The following TMEM131 variants were observed in gnomAD, a reference collection of about 807,000 sequenced individuals.
The protein encoded by TMEM131 is transmembrane protein 131.
A neutral mutation model predicts 211.6 loss-of-function variants in TMEM131; 66 were observed. The ratio of observed to expected loss-of-function variants is 0.31; its 90% CI spans 0.26 to 0.38. The LOEUF (loss-of-function observed/expected upper bound fraction) is 0.38. Ranked by LOEUF, TMEM131 falls within the 10% of genes least tolerant of loss-of-function variation. TMEM131 has a pLI of 1.00. For synonymous variants in TMEM131, 844 were observed against 841.3 expected (o/e 1.00, Z -0.06); for missense variants, 2,036 against 2,299.3 (o/e 0.89, Z 2.34).
In TMEM131 at chr2:97,827,210, C is replaced by A. The variant is rs556451430; in HGVS notation, c.1074+6155G>T. The A allele has an allele frequency of 2.3e-4, 164 of 717,772 alleles. 6 individuals carry two copies. In the South Asian group the frequency reaches 2.4e-3, roughly 11 times the overall value. 44.5% of individuals were successfully genotyped at this position (717,772 alleles called of 1,614,324 possible). A position where few individuals can be genotyped will look rare whatever the true frequency, so the allele number is the denominator to read the frequency against. On this transcript the variant is annotated intron_variant, in intron 11 of 40. Transcript: ENST00000186436. Reference sequence around the variant, plus strand: ...CGTGAAGGCTCTTGGCGCGCCGCGGCCCGCAGGCACCTGGCACGCGCCTTC... The same window carrying A: ...CGTGAAGGCTCTTGGCGCGCCGCGGACCGCAGGCACCTGGCACGCGCCTTC...
chr2:97,886,631 G>A (rs1325347332), intron 4 of TMEM131, among the ~76,000 whole-genome samples: 9 of 152,190 alleles, frequency 5.9e-5, no homozygotes, highest in African/African-American at 2.2e-4. Context: ...GGCTCACAAG[G>A]CTGTTTCTCA....
chr2:97,976,960 C>CCAAAA (rs1553623053), intron 1 of TMEM131, among the ~76,000 whole-genome samples: 1 of 112,188 alleles, frequency 8.9e-6, no homozygotes, highest in African/African-American at 3.4e-5. Flanking sequence ...TATTTATATG[C>CCAAAA]AAAAAAAAAA....
At chr2:97,800,335 T>G (rs1264578479) in intron 25 of TMEM131, among the ~76,000 whole-genome samples, 1 of 152,204 alleles carries the variant, frequency 6.6e-6, no homozygotes, top group East Asian at 1.9e-4. Context: ...TTACTTATTT[T>G]CCTATCTCTC....
intron 31 of TMEM131, among the ~76,000 whole-genome samples, chr2:97,784,969 AG>A (rs1173978134): frequency 2.0e-5 from 3 of 152,112 alleles, no homozygotes; most frequent in Non-Finnish European, 4.4e-5. Context: ...CATGATGGTA[AG>A]GGAATACTAT....
At chr2:97,766,900 AAG>A (rs1417928768) in intron 33 of TMEM131, among the ~76,000 whole-genome samples, 1 of 152,190 alleles carries the variant, frequency 6.6e-6, no homozygotes, top group African/African-American at 2.4e-5. Flanking sequence ...TATCTCAGAT[AAG>A]GCATAGAAAG....
At chr2:97,831,263 A>C (rs1682671332) in intron 11 of TMEM131, among the ~76,000 whole-genome samples, 1 of 152,174 alleles carries the variant, frequency 6.6e-6, no homozygotes, top group African/African-American at 2.4e-5. Flanking sequence ...TCCTGTAATA[A>C]TTTCCCATTA....
chr2:97,786,218 G>C (rs138040039), intron 31 of TMEM131, among the ~76,000 whole-genome samples: 1 of 152,230 alleles, frequency 6.6e-6, no homozygotes, highest in African/African-American at 2.4e-5. Context: ...ATTTGCACGT[G>C]AATCTACAAG....
chr2:97,880,772 C>T (rs747231742), intron 4 of TMEM131, among the ~76,000 whole-genome samples: 7 of 152,100 alleles, frequency 4.6e-5, no homozygotes, highest in Non-Finnish European at 7.4e-5. Flanking sequence ...AGTAAGAAAG[C>T]GCAGAGTTGG....
At position 97,785,135 on chromosome 2, in the gene TMEM131, C is replaced by T. The variant is rs59434164; in HGVS notation, c.4144+7251G>A. Among the ~76,000 whole-genome samples, 299 of 152,168 alleles carry T rather than the reference C, an allele frequency of 2.0e-3. 2 individuals carry two copies. Among genetic ancestry groups the T allele is most frequent in the African/African-American group, 6.9e-3 (287 of 41,530 alleles). On this transcript the variant is annotated intron_variant, in intron 31 of 40. Transcript: ENST00000186436. ...TGACTTAAAAATTAACATCTTCCCC[C>T]CACTTTAAGTCAAAGTGAACTCCAA...
chr2:97,944,198 T>C (rs1027294057), intron 1 of TMEM131, among the ~76,000 whole-genome samples: 1 of 152,122 alleles, frequency 6.6e-6, no homozygotes, highest in African/African-American at 2.4e-5. Flanking sequence ...CGGCACTCAA[T>C]TGATGAATGC....
In TMEM131 at chr2:97,930,311, T is replaced by C. The variant is rs75496017; in HGVS notation, c.188-2824A>G. On this transcript the variant is annotated intron_variant, in intron 1 of 40. Coordinates refer to ENST00000186436, the MANE Select transcript of TMEM131 (RefSeq NM_015348.2). ...ACGACCACTGAATGAGTTCCCACCA[T>C]TGAGCCAGAAGAAATGCTGATCTAA... Among the ~76,000 whole-genome samples the C allele has an allele frequency of 3.3e-3, 495 of 151,910 alleles. 8 individuals carry two copies. In the East Asian group the frequency reaches 0.041, roughly 13 times the overall value.
chr2:97,812,894 C>T (rs1222521869), intron 15 of TMEM131, 145 bp from the exon 16 acceptor site: 13 of 458,772 alleles, frequency 2.8e-5, no homozygotes, highest in Middle Eastern at 5.8e-4. Flanking sequence ...ATCCCAGCTA[C>T]TCGGAAGGCT....
chr2:97,760,687 C>A lies in TMEM131; in HGVS notation c.5014G>T (p.Gly1672Trp). 1 of 1,613,982 alleles carries A rather than the reference C, an allele frequency of 6.2e-7. No individual in the cohort carries two copies. Among genetic ancestry groups the A allele is most frequent in the Non-Finnish European group, 8.5e-7 (1 of 1,179,888 alleles). ...GAAGAAACTTTAGCAAAGCCATTCC[C>A]ACCTGTAACAATGGACGTTCAATCA... ...VTAGYDKSPG[G>W]NGFAKVSSNK... The change falls in exon 38 of 41, where the codon GGG becomes TGG. Residue 1672 changes from glycine (G) to tryptophan (W), a missense_variant and splice_region_variant. By Grantham distance (184) the Gly-to-Trp change is radical. Coordinates refer to ENST00000186436, the MANE Select transcript of TMEM131 (RefSeq NM_015348.2).
Position 97,859,367 on chromosome 2 carries a change from C to T in TMEM131, c.420G>A (p.Thr140=), listed in dbSNP as rs781423212. 34 of 1,599,978 alleles carry T rather than the reference C, an allele frequency of 2.1e-5. No individual in the cohort carries two copies. Among genetic ancestry groups the T allele is most frequent in the Middle Eastern group, 1.6e-4 (1 of 6,062 alleles). ...VYLHNPSSEE[T]ITLVSISATT... The stretch of plus-strand genomic sequence containing the variant: ...TAGCAGATATTGATACTAAAGTAAT[C>T]GTTTCTTCAGAACTAGGATTATGTA... The change falls in exon 5 of 41, where the codon ACG becomes ACA. Residue 140 remains threonine (T), a synonymous_variant. Transcript: ENST00000186436.
chr2:97,763,329 C>A (rs905927028), intron 35 of TMEM131: 2 of 152,762 alleles, frequency 1.3e-5, no homozygotes, highest in Non-Finnish European at 2.9e-5. Flanking sequence ...GAAGCCCGTG[C>A]TCTCCACTCC....
intron 12 of TMEM131, 44 bp downstream of exon 12, chr2:97,818,569 C>A: frequency 7.8e-7 from 1 of 1,275,262 alleles, no homozygotes; most frequent in Non-Finnish European, 1.1e-6. Context: ...TCTAGTTTAT[C>A]AAAATAACAT....
intron 7 of TMEM131, among the ~76,000 whole-genome samples, chr2:97,838,592 A>G (rs1683047973): frequency 6.6e-6 from 1 of 151,838 alleles, no homozygotes; most frequent in South Asian, 2.1e-4. Flanking sequence ...TTACAGGCAC[A>G]TGCCTCCACG....
chr2:97,870,701 G>C (rs1289533465), intron 4 of TMEM131, among the ~76,000 whole-genome samples: 4 of 152,340 alleles, frequency 2.6e-5, no homozygotes, highest in Non-Finnish European at 2.9e-5. Flanking sequence ...AAATGGCTTA[G>C]CAACTGCCCT....
At chr2:97,805,337 G>A in intron 21 of TMEM131, 39 bp downstream of exon 21, 1 of 1,599,750 alleles carries the variant, frequency 6.3e-7, no homozygotes, top group Non-Finnish European at 8.5e-7. Flanking sequence ...GTATTTTGGG[G>A]GAAGTGAAGA....
Sources: gnomAD v4.1 joint callset for allele counts (sites outside exome capture counted in the v4.1 genomes callset) on GRCh38, gnomAD v4.1.1 for gene constraint, MANE v1.5 for transcripts, NCBI Gene and HGNC (gene_info 2026-07-23, HGNC 2026-07-21) for gene names.